The following PYGO1 variants were observed in gnomAD, a reference collection of about 807,000 sequenced individuals.
PYGO1 encodes pygopus family PHD finger 1, also known as pygopus homolog 1.
In PYGO1, 6 loss-of-function variants were observed where a neutral mutation model predicts 29.5. The observed-to-expected ratio is 0.20, with a 90% CI of 0.11 to 0.40. The LOEUF is 0.40. Ranked by LOEUF, PYGO1 falls within the 10% of genes least tolerant of loss-of-function variation. The pLI is 1.00. For synonymous variants in PYGO1, 186 were observed against 180.5 expected, an observed-to-expected ratio of 1.03 and a Z score of -0.24; for missense variants, 515 against 514.9, an observed-to-expected ratio of 1.00 and a Z score of 0.00.
At chr15:55,577,202 C>A (rs2059006681) in intron 1 of PYGO1, among the ~76,000 whole-genome samples, 1 of 152,076 alleles carries the variant, frequency 6.6e-6, no homozygotes, top group African/African-American at 2.4e-5. Flanking sequence ...ATTCACTGAG[C>A]CAGACTAAAT....
chr15:55,561,376 A>G (rs2058932019), intron 1 of PYGO1, among the ~76,000 whole-genome samples: 1 of 152,236 alleles, frequency 6.6e-6, no homozygotes, highest in South Asian at 2.1e-4. Flanking sequence ...TAAAGGAAAC[A>G]GGTTTAATTG....
At chr15:55,570,401 T>C (rs1449718579) in intron 1 of PYGO1, among the ~76,000 whole-genome samples, 2 of 152,194 alleles carry the variant, frequency 1.3e-5, no homozygotes, top group East Asian at 1.9e-4. Context: ...ATCAAAAATA[T>C]CTAAACTAGT....
At chr15:55,577,258 C>T (rs1229699033) in intron 1 of PYGO1, among the ~76,000 whole-genome samples, 1 of 152,108 alleles carries the variant, frequency 6.6e-6, no homozygotes, top group South Asian at 2.1e-4. Flanking sequence ...AGAATGCAAA[C>T]TTTTGTCTCT....
intron 1 of PYGO1, among the ~76,000 whole-genome samples, chr15:55,581,293 G>T (rs1595995329): frequency 2.0e-5 from 3 of 152,172 alleles, no homozygotes; most frequent in African/African-American, 4.8e-5. Context: ...AGTTTTAAAG[G>T]CAGGAGAGAC....
At chr15:55,578,004 A>C (rs1160807224) in intron 1 of PYGO1, among the ~76,000 whole-genome samples, 1 of 152,088 alleles carries the variant, frequency 6.6e-6, no homozygotes, top group Non-Finnish European at 1.5e-5. Context: ...CGAACACCTG[A>C]CCTCAAGTGA....
At chr15:55,577,316 G>A (rs893455457) in intron 1 of PYGO1, among the ~76,000 whole-genome samples, 3 of 152,132 alleles carry the variant, frequency 2.0e-5, no homozygotes, top group African/African-American at 4.8e-5. Flanking sequence ...CCCGCCGCTA[G>A]CCAATGTATC....
At chr15:55,556,542 G>A (rs187316334) in intron 1 of PYGO1, among the ~76,000 whole-genome samples, 1 of 152,090 alleles carries the variant, frequency 6.6e-6, no homozygotes, top group Admixed American at 6.6e-5. Flanking sequence ...ACATCAAAAA[G>A]CTCGAAAGAT....
chr15:55,549,478 T>C (rs1463027652), intron 1 of PYGO1, among the ~76,000 whole-genome samples: 1 of 152,178 alleles, frequency 6.6e-6, no homozygotes, highest in Non-Finnish European at 1.5e-5. Context: ...TGAGTAGTAT[T>C]CTACAGTGTG....
At chr15:55,579,255 C>T (rs997603484) in intron 1 of PYGO1, among the ~76,000 whole-genome samples, 1 of 152,072 alleles carries the variant, frequency 6.6e-6, no homozygotes, top group Non-Finnish European at 1.5e-5. Flanking sequence ...AATGTGATAT[C>T]CTTGAATCTG....
intron 1 of PYGO1, among the ~76,000 whole-genome samples, chr15:55,574,819 T>C (rs1306634582): frequency 6.6e-6 from 1 of 152,252 alleles, no homozygotes; most frequent in Non-Finnish European, 1.5e-5. Context: ...TGAGTCCAAG[T>C]ATCTTTGTTT....
At chr15:55,552,170 C>A (rs1221726551) in intron 1 of PYGO1, among the ~76,000 whole-genome samples, 1 of 151,794 alleles carries the variant, frequency 6.6e-6, no homozygotes, top group Non-Finnish European at 1.5e-5. Context: ...GCCTGGCAAA[C>A]ATGGCGAAAC....
chr15:55,571,899 A>G (rs1221659248), intron 1 of PYGO1, among the ~76,000 whole-genome samples: 1 of 136,298 alleles, frequency 7.3e-6, no homozygotes, highest in African/African-American at 2.6e-5. Context: ...AATGTGAGGT[A>G]AAAAACAATG....
At chr15:55,549,564 C>A (rs2058869641) in intron 1 of PYGO1, among the ~76,000 whole-genome samples, 1 of 152,158 alleles carries the variant, frequency 6.6e-6, no homozygotes, top group Non-Finnish European at 1.5e-5. Flanking sequence ...TCTGCTGTTG[C>A]TGCAATAAAA....
At chr15:55,580,450 G>C (rs1439640322) in intron 1 of PYGO1, among the ~76,000 whole-genome samples, 1 of 152,164 alleles carries the variant, frequency 6.6e-6, no homozygotes, top group Non-Finnish European at 1.5e-5. Flanking sequence ...GTGTATTTTA[G>C]ACCTGTTTCT....
At chr15:55,570,931 AT>A (rs2058977616) in intron 1 of PYGO1, among the ~76,000 whole-genome samples, 1 of 152,200 alleles carries the variant, frequency 6.6e-6, no homozygotes. Context: ...GTTCAGTGGT[AT>A]TAAGTATATT....
At chr15:55,563,760 T>G (rs564953117) in intron 1 of PYGO1, among the ~76,000 whole-genome samples, 1 of 152,308 alleles carries the variant, frequency 6.6e-6, no homozygotes, top group East Asian at 1.9e-4. Flanking sequence ...CCAAAGGTTT[T>G]GAACAGACAT....
rs1345009430 is a variant in PYGO1 at position 55,546,159 on chromosome 15, G to A, written c.1124C>T (p.Thr375Ile). ...KWFHRICTGM[T>I]ETAYGLLTAE... ...AGTTAAGAGGCCATAAGCTGTTTCA[G>A]TCATTCCAGTACAGATCCGATGAAA... The change falls in exon 3 of 3, where the codon ACT (threonine) becomes ATT (isoleucine). Residue 375 changes from threonine (T) to isoleucine (I), a missense_variant. Coordinates refer to ENST00000563719, the MANE Select transcript of PYGO1 (RefSeq NM_001367806.1). The A allele has an allele frequency of 6.2e-7, 1 of 1,614,184 alleles. No individual in the cohort carries two copies. The highest frequency in any genetic ancestry group is 1.6e-4 in the Middle Eastern group (1 of 6,062).
rs1353323378 is a variant in PYGO1, at chr15:55,545,705, C to G, written c.*318G>C. 2 of 200,314 alleles carry G rather than the reference C, an allele frequency of 1.0e-5. No individual in the cohort carries two copies. Among genetic ancestry groups the G allele is most frequent in the Non-Finnish European group, 2.0e-5 (2 of 99,588 alleles). 12.4% of individuals were successfully genotyped at this position (200,314 alleles called of 1,614,324 possible). ...CTGAAATACACGTTTTTCAATGATT[C>G]TAACTTTTAAAAGTTAAAACTTGCC... On this transcript the variant is annotated 3_prime_UTR_variant, in exon 3 of 3. Coordinates refer to ENST00000563719, the MANE Select transcript of PYGO1 (RefSeq NM_001367806.1).
At chr15:55,565,009 TG>T (rs1368914363) in intron 1 of PYGO1, among the ~76,000 whole-genome samples, 1 of 152,228 alleles carries the variant, frequency 6.6e-6, no homozygotes, top group African/African-American at 2.4e-5. Flanking sequence ...TGACTCTTTC[TG>T]CTTTCAATGT....
Sources: allele counts gnomAD v4.1 joint callset (sites outside exome capture counted in the v4.1 genomes callset), GRCh38; gene constraint gnomAD v4.1.1; transcripts MANE v1.5; gene names NCBI Gene and HGNC (gene_info 2026-07-23, HGNC 2026-07-21).